Variants in PALLD observed in about 807,000 individuals in gnomAD.
The protein encoded by PALLD is palladin.
PALLD carries 61 observed loss-of-function variants against 123.5 expected under a neutral mutation model. That is an observed-to-expected ratio of 0.49 (90% CI 0.40 to 0.61). The LOEUF (loss-of-function observed/expected upper bound fraction) is 0.61. Among genes scored for constraint, PALLD ranks in the 20% least tolerant of loss-of-function variants. PALLD has a pLI of 0.00. For missense variants in PALLD, 1,273 were observed against 1,377.0 expected (o/e 0.92, Z 1.20); for synonymous variants, 465 against 496.4 (o/e 0.94, Z 0.84).
chr4:168,870,286 C>G (rs1750906717), intron 10 of PALLD, among the ~76,000 whole-genome samples: 2 of 152,136 alleles, frequency 1.3e-5, no homozygotes, highest in African/African-American at 4.8e-5. Context: ...CACACAAAAC[C>G]TAAAAGCTAT....
At chr4:168,881,710 TAG>T (rs2151141402) in intron 10 of PALLD, among the ~76,000 whole-genome samples, 1 of 152,226 alleles carries the variant, frequency 6.6e-6, no homozygotes, top group South Asian at 2.1e-4. Context: ...GAGCATGCCT[TAG>T]AGAGAAATCT....
At chr4:168,714,702 G>A (rs1785170887) in intron 10 of PALLD, among the ~76,000 whole-genome samples, 1 of 152,136 alleles carries the variant, frequency 6.6e-6, no homozygotes, top group Admixed American at 6.5e-5. Context: ...TGGCGTTATG[G>A]CAGTTTGTGC....
chr4:168,547,306 A>T (rs9994793), intron 2 of PALLD, among the ~76,000 whole-genome samples: 14,509 of 152,026 alleles, frequency 0.095, 2,343 homozygotes, highest in African/African-American at 0.33. Flanking sequence ...AACTTGCCTC[A>T]GGTTATTAGG....
At chr4:168,695,111 A>G (rs1459857512) in intron 8 of PALLD, among the ~76,000 whole-genome samples, 3 of 152,238 alleles carry the variant, frequency 2.0e-5, no homozygotes, top group Non-Finnish European at 4.4e-5. Context: ...TACATATAAA[A>G]GTATATTGCC....
chr4:168,767,027 TTCC>T (rs1172894147), intron 10 of PALLD, among the ~76,000 whole-genome samples: 1 of 152,220 alleles, frequency 6.6e-6, no homozygotes, highest in Admixed American at 6.5e-5. Flanking sequence ...TTCAGAAATC[TTCC>T]TCCTCCTGAC....
At chr4:168,734,906 A>C (rs1787577269) in intron 10 of PALLD, among the ~76,000 whole-genome samples, 1 of 151,910 alleles carries the variant, frequency 6.6e-6, no homozygotes, top group African/African-American at 2.4e-5. Context: ...CATGGGCCAC[A>C]GAGCAAGACC....
chr4:168,498,221 T>C (rs1216389694), intron 1 of PALLD, among the ~76,000 whole-genome samples: 4 of 152,232 alleles, frequency 2.6e-5, no homozygotes, highest in African/African-American at 9.6e-5. Context: ...CTAACTGCCC[T>C]GTAAATACAT....
intron 2 of PALLD, among the ~76,000 whole-genome samples, chr4:168,543,298 G>T (rs1020250304): frequency 1.3e-5 from 2 of 148,820 alleles, no homozygotes; most frequent in African/African-American, 4.9e-5. Context: ...ACACCTAGTT[G>T]ATAGTATATA....
intron 10 of PALLD, among the ~76,000 whole-genome samples, chr4:168,801,416 T>C (rs1313786634): frequency 2.0e-5 from 3 of 152,108 alleles, no homozygotes; most frequent in Non-Finnish European, 2.9e-5. Flanking sequence ...GTAGCTGGGA[T>C]TATAGGCGCA....
At chr4:168,896,367 T>C (rs139369494) in intron 12 of PALLD, among the ~76,000 whole-genome samples, 182 bp from the exon 13 acceptor site, 1 of 152,226 alleles carries the variant, frequency 6.6e-6, no homozygotes, top group Admixed American at 6.5e-5. Context: ...GAATATCTCA[T>C]GTGATTTATG....
intron 2 of PALLD, among the ~76,000 whole-genome samples, chr4:168,626,714 GAAAAAAA>G (rs767084915): frequency 3.0e-5 from 3 of 100,392 alleles, no homozygotes; most frequent in Non-Finnish European, 6.4e-5. Flanking sequence ...CTGCCTCCAG[GAAAAAAA>G]AAAAAAAAAA....
At chr4:168,802,676 G>A (rs1167702465) in intron 10 of PALLD, among the ~76,000 whole-genome samples, 1 of 152,036 alleles carries the variant, frequency 6.6e-6, no homozygotes, top group Non-Finnish European at 1.5e-5. Context: ...CCAGCTAAAG[G>A]CAGACCATCT....
intron 10 of PALLD, chr4:168,831,943 G>T (rs541329964): frequency 1.1e-6 from 1 of 937,044 alleles, no homozygotes; most frequent in African/African-American, 1.8e-5. Context: ...CCTAACCTGG[G>T]GGCCGCGTCC....
intron 2 of PALLD, among the ~76,000 whole-genome samples, chr4:168,518,137 G>A (rs986988490): frequency 3.9e-5 from 6 of 151,940 alleles, no homozygotes; most frequent in Admixed American, 1.3e-4. Flanking sequence ...AGCCATTCTC[G>A]ATCCCTCTTT....
chr4:168,899,448 G>A (rs570296888), intron 14 of PALLD, among the ~76,000 whole-genome samples: 1 of 152,248 alleles, frequency 6.6e-6, no homozygotes, highest in South Asian at 2.1e-4. Flanking sequence ...CACATGATAG[G>A]GAGCCAAAAG....
intron 2 of PALLD, among the ~76,000 whole-genome samples, chr4:168,549,425 T>C (rs554048441): frequency 6.6e-6 from 1 of 152,296 alleles, no homozygotes; most frequent in South Asian, 2.1e-4. Flanking sequence ...CTTAACAGTT[T>C]ATATATTTAA....
intron 3 of PALLD, among the ~76,000 whole-genome samples, chr4:168,673,026 C>A (rs1780451517): frequency 6.6e-6 from 1 of 152,168 alleles, no homozygotes; most frequent in Non-Finnish European, 1.5e-5. Flanking sequence ...TCCTTGCCTT[C>A]ATCAGGCAAC....
At chr4:168,830,989 A>G (rs1020467512) in intron 10 of PALLD, among the ~76,000 whole-genome samples, 1 of 152,256 alleles carries the variant, frequency 6.6e-6, no homozygotes, top group African/African-American at 2.4e-5. Flanking sequence ...CCATTCATTC[A>G]TTCATTCATT....
chr4:168,664,229 A>G (rs1314543704), intron 2 of PALLD, among the ~76,000 whole-genome samples: 1 of 152,102 alleles, frequency 6.6e-6, no homozygotes, highest in East Asian at 1.9e-4. Context: ...CTTCCATGGA[A>G]TTTGTACTTT....
Sources: gnomAD v4.1 joint callset for allele counts (sites outside exome capture counted in the v4.1 genomes callset) on GRCh38, gnomAD v4.1.1 for gene constraint, MANE v1.5 for transcripts, NCBI Gene and HGNC (gene_info 2026-07-23, HGNC 2026-07-21) for gene names.